The following DLG2 variants were observed in gnomAD, a reference collection of about 807,000 sequenced individuals.
DLG2 encodes the protein disks large homolog 2.
Under a neutral mutation model 132.5 loss-of-function variants are expected in DLG2, and 45 were observed. The observed-to-expected ratio is 0.34, with a 90% confidence interval of 0.27 to 0.44. The LOEUF (loss-of-function observed/expected upper bound fraction) is 0.44, where lower values mean the gene tolerates loss of function less well. Ranked by LOEUF, DLG2 falls within the 20% of genes least tolerant of loss-of-function variation. DLG2 has a pLI of 1.00. For missense variants in DLG2, 1,045 were observed against 1,196.9 expected (o/e 0.87, Z 1.87); for synonymous variants, 424 against 419.6 (o/e 1.01, Z -0.13).
chr11:84,039,514 C>T (rs1219865536), intron 11 of DLG2, among the ~76,000 whole-genome samples: 1 of 77,570 alleles, frequency 1.3e-5, no homozygotes. Flanking sequence ...ATGATGATTT[C>T]CAATTTCATC....
intron 3 of DLG2, among the ~76,000 whole-genome samples, chr11:85,500,972 G>T (rs536710011): frequency 1.3e-5 from 2 of 152,244 alleles, no homozygotes; most frequent in East Asian, 3.9e-4. Context: ...ACAATCCTTG[G>T]CAGGAAGAAC....
intron 2 of DLG2, among the ~76,000 whole-genome samples, chr11:85,614,283 A>G (rs1407074186): frequency 1.3e-5 from 2 of 152,174 alleles, no homozygotes; most frequent in Non-Finnish European, 2.9e-5. Flanking sequence ...TAATAAAGTA[A>G]TGAATAGCAA....
intron 7 of DLG2, among the ~76,000 whole-genome samples, chr11:84,518,689 A>AT (rs909754508): frequency 6.6e-6 from 1 of 152,022 alleles, no homozygotes; most frequent in Non-Finnish European, 1.5e-5. Flanking sequence ...AATTGCTGAG[A>AT]TTTTTCCCCC....
chr11:84,099,012 C>T lies in DLG2; in HGVS notation c.660G>A (p.Gly220=), dbSNP rs188671875. The T allele has an allele frequency of 9.9e-6, 16 of 1,612,764 alleles. No homozygotes were observed. The South Asian group carries it at 1.1e-4, about 11-fold the overall frequency. ...NSGLGFSIAG[G]TDNPHIGDDP... Reference sequence around the variant, plus strand: ...CATCTCCAATGTGGGGATTATCTGTCCCCCCAGCAATACTGAATCCCAGGC... The same window carrying T: ...CATCTCCAATGTGGGGATTATCTGTTCCCCCAGCAATACTGAATCCCAGGC... Residue 220 remains glycine, a synonymous_variant, in exon 10 of 28, where the codon GGG becomes GGA. Coordinates refer to ENST00000376104, the MANE Select transcript of DLG2 (RefSeq NM_001142699.3).
At chr11:85,419,063 T>C (rs778650505) in intron 3 of DLG2, among the ~76,000 whole-genome samples, 1 of 152,250 alleles carries the variant, frequency 6.6e-6, no homozygotes, top group Non-Finnish European at 1.5e-5. Flanking sequence ...CTTGTACTGG[T>C]TGTTCCTTGA....
rs1280319857 is a variant in DLG2, at chr11:83,681,522, T to C, written c.1826-48197A>G. Among the ~76,000 whole-genome samples the C allele has an allele frequency of 3.9e-5, 6 of 152,310 alleles. No homozygotes were observed. In the South Asian group the frequency reaches 1.0e-3, roughly 26 times the overall value. On this transcript the variant is annotated intron_variant, in intron 18 of 27. Transcript: ENST00000376104. ...TCGTACAGCTCTTTCCATAACGATC[T>C]AGTCTTTTCTTTCACTCCCTCTCCC...
intron 3 of DLG2, among the ~76,000 whole-genome samples, chr11:85,318,062 C>T (rs1226111562): frequency 6.6e-6 from 1 of 151,726 alleles, no homozygotes; most frequent in Non-Finnish European, 1.5e-5. Flanking sequence ...CAATTTTTTT[C>T]TTGTTCTTAT....
chr11:83,796,034 G>A (rs1038777597), intron 17 of DLG2, among the ~76,000 whole-genome samples: 11 of 152,184 alleles, frequency 7.2e-5, no homozygotes, highest in Admixed American at 4.6e-4. Context: ...GTTGTGTAAT[G>A]TATCTATTTA....
At chr11:85,005,161 G>T (rs1417489406) in intron 6 of DLG2, among the ~76,000 whole-genome samples, 1 of 152,188 alleles carries the variant, frequency 6.6e-6, no homozygotes, top group Non-Finnish European at 1.5e-5. Flanking sequence ...CAAATAGCGT[G>T]ATGACTGCAG....
intron 7 of DLG2, among the ~76,000 whole-genome samples, chr11:84,304,639 A>G (rs2098195353): frequency 2.0e-5 from 3 of 152,240 alleles, no homozygotes; most frequent in African/African-American, 7.2e-5. Flanking sequence ...CAATATGTAA[A>G]CAAATAAGCA....
At chr11:85,612,073 G>T (rs1324428768) in intron 2 of DLG2, among the ~76,000 whole-genome samples, 1 of 152,208 alleles carries the variant, frequency 6.6e-6, no homozygotes, top group Non-Finnish European at 1.5e-5. Context: ...GAAAGAAATA[G>T]AAGTAGTAAA....
At chr11:85,459,426 C>T (rs1053078931) in intron 3 of DLG2, among the ~76,000 whole-genome samples, 1 of 152,094 alleles carries the variant, frequency 6.6e-6, no homozygotes, top group Non-Finnish European at 1.5e-5. Flanking sequence ...TTGGTTTCTT[C>T]CCCAGACCAA....
intron 3 of DLG2, among the ~76,000 whole-genome samples, chr11:85,510,499 A>G (rs1335350502): frequency 1.3e-5 from 2 of 152,204 alleles, no homozygotes; most frequent in Non-Finnish European, 2.9e-5. Flanking sequence ...TCCAGAATCT[A>G]CAATGAACTC....
At chr11:84,676,847 C>G (rs1013173174) in intron 6 of DLG2, among the ~76,000 whole-genome samples, 9 of 151,814 alleles carry the variant, frequency 5.9e-5, no homozygotes, top group African/African-American at 1.9e-4. Context: ...AGGCCTGATA[C>G]TTGAAGTGTA....
At chr11:84,717,504 C>T (rs897780770) in intron 6 of DLG2, among the ~76,000 whole-genome samples, 2 of 151,706 alleles carry the variant, frequency 1.3e-5, no homozygotes, top group Non-Finnish European at 2.9e-5. Flanking sequence ...CTAGTGTGGT[C>T]AATAAATATT....
intron 3 of DLG2, among the ~76,000 whole-genome samples, chr11:85,477,539 T>C (rs940963948): frequency 2.6e-5 from 4 of 152,232 alleles, no homozygotes; most frequent in Non-Finnish European, 5.9e-5. Flanking sequence ...TTTACTAATC[T>C]AATCTTTGCC....
chr11:84,913,327 A>G (rs2092244149), intron 6 of DLG2, among the ~76,000 whole-genome samples: 1 of 152,198 alleles, frequency 6.6e-6, no homozygotes, highest in Non-Finnish European at 1.5e-5. Flanking sequence ...TAGAACTACA[A>G]TGGCAATTAT....
chr11:83,494,139 C>T (rs1490107017), intron 21 of DLG2, among the ~76,000 whole-genome samples: 1 of 151,878 alleles, frequency 6.6e-6, no homozygotes, highest in Admixed American at 6.6e-5. Context: ...AAAGACCTGT[C>T]ACATCATCAA....
At chr11:84,386,090 G>A (rs1205828481) in intron 7 of DLG2, among the ~76,000 whole-genome samples, 1 of 151,906 alleles carries the variant, frequency 6.6e-6, no homozygotes, top group African/African-American at 2.4e-5. Context: ...TTAAAGTAAT[G>A]CATGTGAATA....
Sources: allele counts gnomAD v4.1 joint callset (sites outside exome capture counted in the v4.1 genomes callset), GRCh38; gene constraint gnomAD v4.1.1; transcripts MANE v1.5; gene names NCBI Gene and HGNC (gene_info 2026-07-23, HGNC 2026-07-21).